The following RNF217 variants were observed in gnomAD, a reference collection of about 807,000 sequenced individuals.
RNF217 encodes ring finger protein 217, also known as E3 ubiquitin-protein ligase RNF217.
Under a neutral mutation model 57.8 loss-of-function variants are expected in RNF217, and 31 were observed. That is an observed-to-expected ratio of 0.54 (90% CI 0.40 to 0.72). The LOEUF (loss-of-function observed/expected upper bound fraction) is 0.72, where lower values mean the gene tolerates loss of function less well. RNF217 is among the 30% of genes least tolerant of loss of function. The pLI, the probability that RNF217 is intolerant of heterozygous loss-of-function variation, is 0.00. For synonymous variants in RNF217, 313 were observed against 294.0 expected, an observed-to-expected ratio of 1.06 and a Z score of -0.66; for missense variants, 696 against 708.3, an observed-to-expected ratio of 0.98 and a Z score of 0.20.
intron 1 of RNF217, among the ~76,000 whole-genome samples, chr6:124,975,055 A>G (rs1705108399): frequency 1.3e-5 from 2 of 152,164 alleles, no homozygotes; most frequent in Admixed American, 1.3e-4. Context: ...TTTCTAAGCT[A>G]TTTGCCTCAA....
chr6:125,074,918 C>T (rs1036817207), intron 3 of RNF217, among the ~76,000 whole-genome samples: 1 of 152,044 alleles, frequency 6.6e-6, no homozygotes, highest in Admixed American at 6.6e-5. Context: ...ACTCTAGTCC[C>T]GAAACAACAC....
rs1788871254 is a variant in RNF217, at chr6:125,089,493, T to C, written c.*6556T>C. On this transcript the variant is annotated 3_prime_UTR_variant, in exon 6 of 6. Coordinates refer to ENST00000521654, the MANE Select transcript of RNF217 (RefSeq NM_001286398.3). ...TCATGCTCTGTGAACATTGTTAGATTTTTAATAATCTAAAGTAGGTCACAT... is the reference window on the plus strand; with the variant it reads ...TCATGCTCTGTGAACATTGTTAGATCTTTAATAATCTAAAGTAGGTCACAT... 1 of 152,182 alleles carries C rather than the reference T, an allele frequency of 6.6e-6. No homozygotes were observed. Among genetic ancestry groups the C allele is most frequent in the African/African-American group, 2.4e-5 (1 of 41,438 alleles). The allele number at this position is 152,182 out of a possible 1,614,324, so 9.4% of individuals were successfully genotyped here.
chr6:124,998,026 C>T (rs1186083883), intron 1 of RNF217, among the ~76,000 whole-genome samples: 2 of 152,126 alleles, frequency 1.3e-5, no homozygotes, highest in African/African-American at 4.8e-5. Flanking sequence ...TCCTAATTGA[C>T]ATGGCTCCTC....
chr6:124,990,399 A>AT (rs1428185413), intron 1 of RNF217, among the ~76,000 whole-genome samples: 4 of 152,188 alleles, frequency 2.6e-5, no homozygotes, highest in African/African-American at 4.8e-5. Flanking sequence ...TTATACATCT[A>AT]TGTAATATAT....
In RNF217 at chr6:124,962,671, C is replaced by T; in HGVS notation, c.127C>T (p.Leu43=). 7.4e-7 allele frequency: 1 copy of T among 1,342,400 alleles called. No individual in the cohort carries two copies. The highest frequency in any genetic ancestry group is 9.4e-7 in the Non-Finnish European group (1 of 1,058,330). 83.2% of individuals were successfully genotyped at this position (1,342,400 alleles called of 1,614,324 possible). ...PQGDSARAPP[L]RAASAEPSGG... is the part of the protein sequence containing the mutation. ...GGGGGACAGCGCCCGGGCGCCCCCGCTGCGCGCCGCCTCCGCGGAGCCGAG... is the reference window on the plus strand; with the variant it reads ...GGGGGACAGCGCCCGGGCGCCCCCGTTGCGCGCCGCCTCCGCGGAGCCGAG... The change falls in exon 1 of 6, where the codon CTG becomes TTG. Residue 43 remains leucine (L), a synonymous_variant. Coordinates refer to ENST00000521654, the MANE Select transcript of RNF217 (RefSeq NM_001286398.3). The surrounding 1 kb of genome is among the most constrained non-coding windows in gnomAD (Gnocchi z 4.6).
In RNF217 at chr6:125,058,034, C is replaced by T; in HGVS notation, c.1209C>T (p.Asp403=). 6.2e-7 allele frequency: 1 copy of T among 1,613,530 alleles called. No homozygotes were observed. The highest frequency in any genetic ancestry group is 8.5e-7 in the Non-Finnish European group (1 of 1,179,706). ...GVNCKEYKKG[D]KLLRHWASEI... is the part of the protein sequence containing the mutation. ...ACTGCAAGGAGTACAAAAAAGGAGA[C>T]AAATTGTTGCGTCACTGGGCCAGCG... Residue 403 remains aspartate (D), a synonymous_variant, in exon 3 of 6, where the codon GAC becomes GAT. Coordinates refer to ENST00000521654, the MANE Select transcript of RNF217 (RefSeq NM_001286398.3).
chr6:124,988,562 C>T (rs1401843666), intron 1 of RNF217, among the ~76,000 whole-genome samples: 1 of 152,188 alleles, frequency 6.6e-6, no homozygotes, highest in African/African-American at 2.4e-5. Context: ...TGAATAACCA[C>T]AACCGTTAAA....
intron 1 of RNF217, among the ~76,000 whole-genome samples, chr6:125,023,682 T>C (rs1785947597): frequency 1.3e-5 from 2 of 152,130 alleles, no homozygotes; most frequent in Admixed American, 6.5e-5. Context: ...TAAGTGCCCA[T>C]TGATAGATGA....
intron 1 of RNF217, among the ~76,000 whole-genome samples, chr6:125,031,792 A>G (rs554289404): frequency 6.6e-6 from 1 of 152,266 alleles, no homozygotes; most frequent in South Asian, 2.1e-4. Flanking sequence ...CCTGTTACCT[A>G]GTTCCAAAGT....
chr6:125,065,011 C>G (rs776366330), intron 3 of RNF217, among the ~76,000 whole-genome samples: 8 of 151,992 alleles, frequency 5.3e-5, no homozygotes, highest in Non-Finnish European at 1.0e-4. Context: ...ACTATGCAAT[C>G]ACGCCGGTAA....
rs74775028 is a variant in RNF217 at position 124,978,367 on chromosome 6, G to A, written c.882+14941G>A. ...CAGACCAGATCCTGTGCCCACCGTG[G>A]CTCTGCGCTCAGCCCATGGATCAAC... On this transcript the variant is annotated intron_variant, in intron 1 of 5. Coordinates refer to ENST00000521654, the MANE Select transcript of RNF217 (RefSeq NM_001286398.3). Among the ~76,000 whole-genome samples the A allele has an allele frequency of 2.3e-3, 356 of 151,676 alleles. 1 individual carries two copies. Among genetic ancestry groups the A allele is most frequent in the African/African-American group, 8.1e-3 (334 of 41,346 alleles).
chr6:125,004,570 G>C (rs1352848945), intron 1 of RNF217, among the ~76,000 whole-genome samples: 1 of 152,204 alleles, frequency 6.6e-6, no homozygotes, highest in African/African-American at 2.4e-5. Context: ...TCCAAAGGTA[G>C]GTACAGAAGT....
chr6:125,047,680 G>C (rs898347812), intron 2 of RNF217, among the ~76,000 whole-genome samples: 1 of 151,992 alleles, frequency 6.6e-6, no homozygotes, highest in Non-Finnish European at 1.5e-5. Flanking sequence ...TTATGAAGCA[G>C]TTAAGATCCT....
At position 125,084,998 on chromosome 6, in the gene RNF217, C is replaced by A. The variant is rs1309387316; in HGVS notation, c.*2061C>A. Reference sequence around the variant, plus strand: ...TGAATATGATGAACTCTAAACCTAGCTGATCTGTATATGTATGATGTATAT... The same window carrying A: ...TGAATATGATGAACTCTAAACCTAGATGATCTGTATATGTATGATGTATAT... On this transcript the variant is annotated 3_prime_UTR_variant, in exon 6 of 6. Coordinates refer to ENST00000521654, the MANE Select transcript of RNF217 (RefSeq NM_001286398.3). 2 of 149,612 alleles carry A rather than the reference C, an allele frequency of 1.3e-5. No individual in the cohort carries two copies. Among genetic ancestry groups the A allele is most frequent in the African/African-American group, 4.8e-5 (2 of 41,274 alleles). The allele number at this position is 149,612 out of a possible 1,614,324, so 9.3% of individuals were successfully genotyped here. A position where few individuals can be genotyped will look rare whatever the true frequency, so the allele number is the denominator to read the frequency against.
chr6:125,042,817 C>G (rs1379734022), intron 1 of RNF217, among the ~76,000 whole-genome samples: 1 of 151,962 alleles, frequency 6.6e-6, no homozygotes, highest in Non-Finnish European at 1.5e-5. Context: ...GCTTCCATTG[C>G]TATCATTTAC....
intron 2 of RNF217, among the ~76,000 whole-genome samples, chr6:125,056,339 A>G (rs7768636): frequency 0.022 from 3,295 of 152,240 alleles, 119 homozygotes; most frequent in African/African-American, 0.075. Flanking sequence ...TTCCAGCATT[A>G]TTTTGAGGAT....
rs150980466 is a variant in RNF217, at chr6:124,997,396, G to T, written c.882+33970G>T. Among the ~76,000 whole-genome samples, 7 of 152,268 alleles carry T rather than the reference G, an allele frequency of 4.6e-5. No homozygotes were observed. In the East Asian group the frequency reaches 1.4e-3, roughly 29 times the overall value. ...TCCTGGAAATCATTCCTACCCTAGG[G>T]CTCTGCCAATTACTTAACCATATGC... On this transcript the variant is annotated intron_variant, in intron 1 of 5. Coordinates refer to ENST00000521654, the MANE Select transcript of RNF217 (RefSeq NM_001286398.3).
At chr6:125,061,566 A>T (rs1787734347) in intron 3 of RNF217, among the ~76,000 whole-genome samples, 1 of 151,382 alleles carries the variant, frequency 6.6e-6, no homozygotes. Flanking sequence ...CACTTCTGGC[A>T]TTATTGTCTC....
intron 1 of RNF217, among the ~76,000 whole-genome samples, chr6:124,987,763 C>A (rs1258508450): frequency 6.6e-6 from 1 of 151,996 alleles, no homozygotes. Flanking sequence ...CCTTGCCTGG[C>A]TCTTATTTTA....
Sources: allele counts gnomAD v4.1 joint callset (sites outside exome capture counted in the v4.1 genomes callset), GRCh38; gene constraint gnomAD v4.1.1; non-coding constraint Gnocchi (gnomAD v3.1); transcripts MANE v1.5; gene names NCBI Gene and HGNC (gene_info 2026-07-23, HGNC 2026-07-21).